RC3H1: variants seen among roughly 807,000 people sequenced by gnomAD.
RC3H1 encodes the protein roquin-1.
Under a neutral mutation model 138.2 loss-of-function variants are expected in RC3H1, and 50 were observed. The observed-to-expected ratio is 0.36, with a 90% CI of 0.29 to 0.46. The LOEUF is 0.46. Ranked by LOEUF, RC3H1 falls within the 20% of genes least tolerant of loss-of-function variation. The pLI is 1.00. For missense variants in RC3H1, 1,031 were observed against 1,388.1 expected (o/e 0.74, Z 4.09); for synonymous variants, 462 against 489.1 (o/e 0.94, Z 0.73).
chr1:173,995,755 AGAGT>A (rs1158480713), intron 1 of RC3H1, among the ~76,000 whole-genome samples: 1 of 152,146 alleles, frequency 6.6e-6, no homozygotes, highest in Non-Finnish European at 1.5e-5. Context: ...TCAACTAGGA[AGAGT>A]AACAACTATA....
chr1:173,999,061 T>C (rs1214684719), intron 1 of RC3H1, among the ~76,000 whole-genome samples: 3 of 151,200 alleles, frequency 2.0e-5, no homozygotes, highest in African/African-American at 7.4e-5. Flanking sequence ...ACCACTGCAC[T>C]GCAGCCTGGG....
At chr1:173,993,841 G>A (rs1661391208) in intron 1 of RC3H1, among the ~76,000 whole-genome samples, 1 of 151,340 alleles carries the variant, frequency 6.6e-6, no homozygotes. Flanking sequence ...CCAACATGGT[G>A]AAACCCCATG....
In RC3H1 at chr1:173,979,734, G is replaced by A. The variant is rs146580783; in HGVS notation, c.969+1075C>T. The stretch of plus-strand genomic sequence containing the variant: ...CTCCTCTAATAGATCATTACTAAGC[G>A]TTAAGCGTTTCCGTAAATTATAAAT... On this transcript the variant is annotated intron_variant, in intron 6 of 19. Transcript: ENST00000367696. 1.2e-3 allele frequency among the ~76,000 whole-genome samples: 179 copies of A among 152,278 alleles called. 1 individual carries two copies. The highest frequency in any genetic ancestry group is 4.1e-3 in the African/African-American group (170 of 41,556).
At position 173,946,618 on chromosome 1, in the gene RC3H1, G is replaced by A; in HGVS notation, c.2829-10C>T. On this transcript the variant is annotated splice_polypyrimidine_tract_variant and intron_variant, in intron 16 of 19. Transcript: ENST00000367696. ...CATAGATATTCTCTCCCTTTGGTTA[G>A]AAAGAAAGTGTGAATCAAATTTTAA... The A allele has an allele frequency of 6.2e-7, 1 of 1,612,502 alleles. No homozygotes were observed. Among genetic ancestry groups the A allele is most frequent in the Non-Finnish European group, 8.5e-7 (1 of 1,179,464 alleles).
chr1:173,978,461 T>C, intron 7 of RC3H1, 27 bp downstream of exon 7: 2 of 1,612,240 alleles, frequency 1.2e-6, no homozygotes, highest in South Asian at 1.1e-5. Context: ...ACATATAAGA[T>C]AGTCCATTAA....
intron 2 of RC3H1, among the ~76,000 whole-genome samples, chr1:173,990,388 A>G (rs1029823543): frequency 2.5e-4 from 37 of 150,618 alleles, no homozygotes; most frequent in African/African-American, 9.0e-4. Context: ...CTAATTTTAC[A>G]TTTCTTTTGT....
At chr1:173,971,361 T>C (rs1287425418) in intron 8 of RC3H1, among the ~76,000 whole-genome samples, 1 of 152,200 alleles carries the variant, frequency 6.6e-6, no homozygotes, top group African/African-American at 2.4e-5. Context: ...ATGTTCAATA[T>C]AGCTATATGT....
rs1459146306 is a variant in RC3H1, at chr1:173,964,012, C to T, written c.1792G>A (p.Gly598Arg). 6.2e-7 allele frequency: 1 copy of T among 1,614,004 alleles called. No homozygotes were observed. The highest frequency in any genetic ancestry group is 1.3e-5 in the African/African-American group (1 of 74,906). ...QTDVYYQDPR[G>R]AAPPFEPAPY... ...GCTGGTTCAAATGGCGGAGCTGCTCCTCGAGGATCCTGATAATAAACATCC... is the reference window on the plus strand; with the variant it reads ...GCTGGTTCAAATGGCGGAGCTGCTCTTCGAGGATCCTGATAATAAACATCC... The change falls in exon 11 of 20, where the codon GGA becomes AGA. Residue 598 changes from glycine (G) to arginine (R), a missense_variant. By Grantham distance (125) the Gly-to-Arg change is moderately radical. This residue lies in a region of RC3H1 where 716 missense variants were observed against 837.9 expected (regional missense o/e 0.85). Coordinates refer to ENST00000367696, the MANE Select transcript of RC3H1 (RefSeq NM_172071.4).
chr1:173,970,327 A>C (rs1394704464), intron 9 of RC3H1, among the ~76,000 whole-genome samples, 178 bp downstream of exon 9: 2 of 152,214 alleles, frequency 1.3e-5, no homozygotes, highest in African/African-American at 4.8e-5. Flanking sequence ...GTTGGCTTTC[A>C]AGCATTTTTG....
chr1:173,931,556 C>G lies in RC3H1; in HGVS notation c.*7165G>C, dbSNP rs1658378662. 7.2e-6 allele frequency: 1 copy of G among 139,504 alleles called. No homozygotes were observed. The highest frequency in any genetic ancestry group is 6.7e-5 in the Admixed American group (1 of 14,952). The allele number at this position is 139,504 out of a possible 1,614,324, so 8.6% of individuals were successfully genotyped here. A position where few individuals can be genotyped will look rare whatever the true frequency, so the allele number is the denominator to read the frequency against. On this transcript the variant is annotated 3_prime_UTR_variant, in exon 20 of 20. Coordinates refer to ENST00000367696, the MANE Select transcript of RC3H1 (RefSeq NM_172071.4). Reference sequence around the variant, plus strand: ...TTATTTAGACCCAGAGTTCTGCTGCCCTAAACATCTTCCTACTACTATTTC... The same window carrying G: ...TTATTTAGACCCAGAGTTCTGCTGCGCTAAACATCTTCCTACTACTATTTC...
chr1:173,988,045 A>G (rs1430858946), intron 2 of RC3H1, among the ~76,000 whole-genome samples: 1 of 152,322 alleles, frequency 6.6e-6, no homozygotes, highest in East Asian at 1.9e-4. Context: ...TCTATCTTTA[A>G]TCTTACACAA....
In RC3H1 at chr1:173,936,145, C is replaced by T. The variant is rs1423039845; in HGVS notation, c.*2576G>A. On this transcript the variant is annotated 3_prime_UTR_variant, in exon 20 of 20. Coordinates refer to ENST00000367696, the MANE Select transcript of RC3H1 (RefSeq NM_172071.4). Reference sequence around the variant, plus strand: ...TTAAAGGAAATGAGAACAAGAATAACAGAAACTGAGTTACTAAGGGGTTTC... The same window carrying T: ...TTAAAGGAAATGAGAACAAGAATAATAGAAACTGAGTTACTAAGGGGTTTC... 1.3e-5 allele frequency: 2 copies of T among 152,174 alleles called. No homozygotes were observed. The highest frequency in any genetic ancestry group is 2.4e-5 in the African/African-American group (1 of 41,462). The allele number at this position is 152,174 out of a possible 1,614,324, so 9.4% of individuals were successfully genotyped here.
chr1:173,987,348 A>G (rs1185511495), intron 2 of RC3H1, among the ~76,000 whole-genome samples: 2 of 151,832 alleles, frequency 1.3e-5, no homozygotes, highest in African/African-American at 2.4e-5. Context: ...AGACTCAAGG[A>G]TATTTATCTT....
intron 8 of RC3H1, among the ~76,000 whole-genome samples, chr1:173,972,053 T>C (rs1340959046): frequency 6.6e-6 from 1 of 152,048 alleles, no homozygotes; most frequent in Admixed American, 6.6e-5. Flanking sequence ...TAAGACATTA[T>C]GAATGAAAAA....
At chr1:174,014,346 T>C (rs1389341391) in intron 1 of RC3H1, among the ~76,000 whole-genome samples, 1 of 152,150 alleles carries the variant, frequency 6.6e-6, no homozygotes, top group East Asian at 1.9e-4. Context: ...GCAATTTTTC[T>C]GTAAATCCAA....
At chr1:174,020,324 A>C (rs1228404362) in intron 1 of RC3H1, among the ~76,000 whole-genome samples, 1 of 152,214 alleles carries the variant, frequency 6.6e-6, no homozygotes, top group Non-Finnish European at 1.5e-5. Context: ...CATTCACTAT[A>C]CTTCAAATCC....
chr1:173,988,547 T>C (rs1042946976), intron 2 of RC3H1, among the ~76,000 whole-genome samples: 24 of 152,230 alleles, frequency 1.6e-4, no homozygotes, highest in South Asian at 1.0e-3. Flanking sequence ...TAAATAGTCA[T>C]GTGAGGGTTT....
In RC3H1 at chr1:173,993,013, C is replaced by A; in HGVS notation, c.-28G>T. ...CTTCTGGAGTTACAATTCACGAACA[C>A]AAACACACACACAAATCTAAAGCAA... On this transcript the variant is annotated 5_prime_UTR_variant, in exon 2 of 20. Coordinates refer to ENST00000367696, the MANE Select transcript of RC3H1 (RefSeq NM_172071.4). 1 of 1,445,796 alleles carries A rather than the reference C, an allele frequency of 6.9e-7. No individual in the cohort carries two copies. The highest frequency in any genetic ancestry group is 9.7e-7 in the Non-Finnish European group (1 of 1,027,726). 89.6% of individuals were successfully genotyped at this position (1,445,796 alleles called of 1,614,324 possible).
At position 173,964,283 on chromosome 1, in the gene RC3H1, C is replaced by T. The variant is rs1395077770; in HGVS notation, c.1617-96G>A. On this transcript the variant is annotated intron_variant, in intron 10 of 19. Transcript: ENST00000367696. ...AGATTGCTACAATTTGGGAAACTCA[C>T]TTATTCTAATAGTCCTCCCTTCTAC... is the stretch of plus-strand genomic sequence containing the variant. The T allele has an allele frequency of 3.0e-6, 3 of 990,992 alleles. No homozygotes were observed. The African/African-American group carries it at 4.9e-5, about 16-fold the overall frequency. The allele number at this position is 990,992 out of a possible 1,614,324, so 61.4% of individuals were successfully genotyped here. A position where few individuals can be genotyped will look rare whatever the true frequency, so the allele number is the denominator to read the frequency against.
Sources: allele counts gnomAD v4.1 joint callset (sites outside exome capture counted in the v4.1 genomes callset), GRCh38; gene constraint gnomAD v4.1.1; regional missense constraint gnomAD v4.1.1; transcripts MANE v1.5; gene names NCBI Gene and HGNC (gene_info 2026-07-23, HGNC 2026-07-21).